The following EFHC2 variants were observed in gnomAD, a reference collection of about 807,000 sequenced individuals.
EFHC2 encodes EF-hand domain-containing family member C2.
EFHC2 carries 18 observed loss-of-function variants against 52.7 expected under a neutral mutation model. The observed-to-expected ratio is 0.34, with a 90% confidence interval of 0.24 to 0.51. The LOEUF (loss-of-function observed/expected upper bound fraction) is 0.51, where lower values mean the gene tolerates loss of function less well. Among genes scored for constraint, EFHC2 ranks in the 20% least tolerant of loss-of-function variants. EFHC2 has a pLI of 0.97. For missense variants in EFHC2, 513 were observed against 562.5 expected (o/e 0.91, Z 0.89); for synonymous variants, 203 against 204.1 (o/e 0.99, Z 0.04).
intron 13 of EFHC2, among the ~76,000 whole-genome samples, chrX:44,166,298 C>T (rs1052093905): frequency 5.4e-5 from 6 of 110,502 alleles, no homozygotes; most frequent in Non-Finnish European, 1.1e-4. Context: ...ATGTAGGATT[C>T]CTAAAAGACT....
At chrX:44,283,078 G>C (rs942054834) in intron 2 of EFHC2, among the ~76,000 whole-genome samples, 1 of 111,952 alleles carries the variant, frequency 8.9e-6, no homozygotes, top group Non-Finnish European at 1.9e-5. Flanking sequence ...GCCCACCCAG[G>C]GGCACCCTGT....
intron 1 of EFHC2, among the ~76,000 whole-genome samples, chrX:44,327,991 T>A (rs1035750252): frequency 8.9e-6 from 1 of 111,984 alleles, no homozygotes; most frequent in Non-Finnish European, 1.9e-5. Flanking sequence ...GATCTGGAGA[T>A]CTGCAGAATC....
intron 2 of EFHC2, among the ~76,000 whole-genome samples, chrX:44,296,592 C>A (rs908338205): frequency 9.0e-6 from 1 of 111,660 alleles, no homozygotes; most frequent in Admixed American, 9.5e-5. Context: ...GGTATAAAAT[C>A]TATGAGTACA....
At chrX:44,335,998 C>G (rs1375074722) in intron 1 of EFHC2, among the ~76,000 whole-genome samples, 6 of 112,756 alleles carry the variant, frequency 5.3e-5, no homozygotes, top group Non-Finnish European at 1.1e-4. Context: ...AAGACACGAA[C>G]AGACATTTCA....
chrX:44,343,624 A>C lies in EFHC2; in HGVS notation c.-36T>G. 1 of 1,115,761 alleles carries C rather than the reference A, an allele frequency of 9.0e-7. No individual in the cohort carries two copies. The highest frequency in any genetic ancestry group is 2.4e-5 in the African/African-American group (1 of 41,227). 92.0% of individuals were successfully genotyped at this position (1,115,761 alleles called of 1,213,427 possible). A position where few individuals can be genotyped will look rare whatever the true frequency, so the allele number is the denominator to read the frequency against. On this transcript the variant is annotated 5_prime_UTR_variant, in exon 1 of 15. Transcript: ENST00000420999. ...GTCCGAAAATCCAGGGTCCCAGAAG[A>C]GAGGGCCCGGCAGGCAGCGGCGCCT...
chrX:44,296,968 C>T (rs1434935513), intron 2 of EFHC2, among the ~76,000 whole-genome samples: 2 of 111,989 alleles, frequency 1.8e-5, no homozygotes, highest in African/African-American at 6.5e-5. Flanking sequence ...AATCCTGTAG[C>T]ACAAATGAGC....
chrX:44,160,921 C>CA (rs771046918), intron 14 of EFHC2, among the ~76,000 whole-genome samples: 299 of 90,334 alleles, frequency 3.3e-3, no homozygotes, highest in Non-Finnish European at 5.5e-3. Flanking sequence ...GACTTCGTCT[C>CA]AAAAAAAAAA....
At chrX:44,261,447 T>C in intron 3 of EFHC2, 149 bp from the exon 4 acceptor site, 1 of 457,369 alleles carries the variant, frequency 2.2e-6, no homozygotes, top group African/African-American at 2.4e-5. Context: ...ACATTCCAAC[T>C]CTGAGGAAGT....
At chrX:44,213,297 C>T (rs2037115206) in intron 11 of EFHC2, among the ~76,000 whole-genome samples, 1 of 111,025 alleles carries the variant, frequency 9.0e-6, no homozygotes, top group African/African-American at 3.3e-5. Flanking sequence ...GAAATGCTAG[C>T]AATCAACAAC....
At position 44,178,068 on chromosome X, in the gene EFHC2, T is replaced by A. The variant is rs193091900; in HGVS notation, c.1949+299A>T. Among the ~76,000 whole-genome samples the A allele has an allele frequency of 3.2e-4, 33 of 104,320 alleles. No individual in the cohort carries two copies. The South Asian group carries it at 0.013, about 40-fold the overall frequency. The allele number at this position is 104,320 out of a possible 115,157, so 90.6% of individuals were successfully genotyped here. ...CTCTCTTGAACCTGGGAGGTGGAGG[T>A]TGCAGTGAGCCGAGGTTGCGCCACT... On this transcript the variant is annotated intron_variant, in intron 12 of 14. Coordinates refer to ENST00000420999, the MANE Select transcript of EFHC2 (RefSeq NM_025184.4).
chrX:44,257,656 C>T (rs962605040), intron 4 of EFHC2, among the ~76,000 whole-genome samples: 2 of 111,873 alleles, frequency 1.8e-5, no homozygotes, highest in Admixed American at 9.5e-5. Context: ...AATGGAAAAA[C>T]ATTCCATGCC....
chrX:44,153,717 G>T (rs760954483), intron 14 of EFHC2, among the ~76,000 whole-genome samples: 1 of 111,863 alleles, frequency 8.9e-6, no homozygotes, highest in Admixed American at 9.5e-5. Flanking sequence ...GGAATCTCAT[G>T]GCCAGCCCCT....
At chrX:44,275,479 C>G (rs2037649233) in intron 2 of EFHC2, among the ~76,000 whole-genome samples, 3 of 110,769 alleles carry the variant, frequency 2.7e-5, no homozygotes, top group South Asian at 7.6e-4. Context: ...AATAAATGAT[C>G]TAATTGCAAT....
At chrX:44,333,670 A>G (rs1416019411) in intron 1 of EFHC2, among the ~76,000 whole-genome samples, 1 of 110,479 alleles carries the variant, frequency 9.1e-6, no homozygotes, top group Admixed American at 9.7e-5. Flanking sequence ...GTTGGCCACT[A>G]TTGAACCCTC....
At chrX:44,311,014 G>A (rs999808708) in intron 2 of EFHC2, among the ~76,000 whole-genome samples, 6 of 111,744 alleles carry the variant, frequency 5.4e-5, no homozygotes, top group African/African-American at 2.0e-4. Flanking sequence ...AAATATTGTC[G>A]ATACCCTCTA....
At position 44,160,048 on chromosome X, in the gene EFHC2, T is replaced by A. The variant is rs561732986; in HGVS notation, c.2148+3874A>T. On this transcript the variant is annotated intron_variant, in intron 14 of 14. Transcript: ENST00000420999. ...GAGTGCTTTGTAAAAAGTCACCCAG[T>A]TAGTTGATCGTAGAGCTAAGGATTT... Among the ~76,000 whole-genome samples, 36 of 112,397 alleles carry A rather than the reference T, an allele frequency of 3.2e-4. No homozygotes were observed. In the South Asian group the frequency reaches 0.012, roughly 37 times the overall value.
At chrX:44,167,506 C>G (rs190801187) in intron 13 of EFHC2, among the ~76,000 whole-genome samples, 1 of 112,364 alleles carries the variant, frequency 8.9e-6, no homozygotes, top group Admixed American at 9.4e-5. Flanking sequence ...AACATTGAAC[C>G]ATTTATCCAT....
chrX:44,244,891 TA>T (rs975753055), intron 7 of EFHC2, among the ~76,000 whole-genome samples: 4 of 112,452 alleles, frequency 3.6e-5, no homozygotes, highest in African/African-American at 9.7e-5. Flanking sequence ...GGAAGACCTC[TA>T]AAGATTACGC....
At chrX:44,307,150 T>C (rs1254010991) in intron 2 of EFHC2, among the ~76,000 whole-genome samples, 1 of 110,231 alleles carries the variant, frequency 9.1e-6, no homozygotes, top group Admixed American at 9.6e-5. Context: ...GTCAAACCAT[T>C]TGTCACAGCT....
Sources: allele counts gnomAD v4.1 joint callset (sites outside exome capture counted in the v4.1 genomes callset), GRCh38; gene constraint gnomAD v4.1.1; transcripts MANE v1.5; gene names NCBI Gene and HGNC (gene_info 2026-07-23, HGNC 2026-07-21).